CREB5: variants seen among roughly 807,000 people sequenced by gnomAD.
The protein encoded by CREB5 is cAMP responsive element binding protein 5.
A neutral mutation model predicts 57.1 loss-of-function variants in CREB5; 19 were observed. The observed-to-expected ratio is 0.33, with a 90% CI of 0.23 to 0.49. The LOEUF is 0.49. Among genes scored for constraint, CREB5 ranks in the 20% least tolerant of loss-of-function variants. CREB5 has a pLI of 0.99. For missense variants in CREB5, 579 were observed against 671.6 expected, an observed-to-expected ratio of 0.86 and a Z score of 1.52; for synonymous variants, 238 against 238.3, an observed-to-expected ratio of 1.00 and a Z score of 0.01.
intron 5 of CREB5, among the ~76,000 whole-genome samples, chr7:28,693,936 G>A (rs1031040281): frequency 3.9e-5 from 6 of 152,198 alleles, no homozygotes; most frequent in African/African-American, 1.4e-4. Flanking sequence ...TGCAGGTGAG[G>A]TCATGAGTGG....
chr7:28,484,069 G>A (rs533444887), intron 1 of CREB5, among the ~76,000 whole-genome samples: 90 of 152,248 alleles, frequency 5.9e-4, no homozygotes, highest in African/African-American at 2.1e-3. Flanking sequence ...CTATGCAGTG[G>A]AGCCTAGGGT....
In CREB5 at chr7:28,476,038, A is replaced by C. The variant is rs1282547052; in HGVS notation, c.4-12137A>C. ...GAAGTAGGTATTGTCATTGTTGTAA[A>C]AGAGCCCAACGCAGTGGAATGAAAA... On this transcript the variant is annotated intron_variant, in intron 1 of 10. Coordinates refer to ENST00000357727, the MANE Select transcript of CREB5 (RefSeq NM_182898.4). 1.3e-5 allele frequency among the ~76,000 whole-genome samples: 2 copies of C among 152,212 alleles called. 1 individual carries two copies. The highest frequency in any genetic ancestry group is 2.9e-5 in the Non-Finnish European group (2 of 68,040).
intron 7 of CREB5, among the ~76,000 whole-genome samples, chr7:28,742,998 G>A (rs1417662888): frequency 6.6e-6 from 1 of 152,088 alleles, no homozygotes; most frequent in Non-Finnish European, 1.5e-5. Flanking sequence ...TAGTCAGGCT[G>A]GTCTTGAACT....
At chr7:28,718,276 A>G (rs1294472200) in intron 5 of CREB5, among the ~76,000 whole-genome samples, 5 of 152,272 alleles carry the variant, frequency 3.3e-5, no homozygotes, top group African/African-American at 4.8e-5. Context: ...TTGGGAATTC[A>G]TGAATGAAGT....
At position 28,820,418 on chromosome 7, in the gene CREB5, T is replaced by A. The variant is rs1239161332; in HGVS notation, c.*1139T>A. ...GCTGCTAATAGCCTAAGATTTATTTTTTTTTTTTTCTTAAGCCTATGGAAC... is the reference window on the plus strand; with the variant it reads ...GCTGCTAATAGCCTAAGATTTATTTATTTTTTTTTCTTAAGCCTATGGAAC... On this transcript the variant is annotated 3_prime_UTR_variant, in exon 11 of 11. Coordinates refer to ENST00000357727, the MANE Select transcript of CREB5 (RefSeq NM_182898.4). 6 of 151,676 alleles carry A rather than the reference T, an allele frequency of 4.0e-5. No individual in the cohort carries two copies. The highest frequency in any genetic ancestry group is 4.2e-4 in the South Asian group (2 of 4,752). 9.4% of individuals were successfully genotyped at this position (151,676 alleles called of 1,614,324 possible).
At chr7:28,632,844 T>C (rs556499146) in intron 5 of CREB5, among the ~76,000 whole-genome samples, 33 of 152,296 alleles carry the variant, frequency 2.2e-4, no homozygotes, top group African/African-American at 7.2e-4. Context: ...GTGTTTTTAA[T>C]TTTTTGTTTA....
intron 5 of CREB5, among the ~76,000 whole-genome samples, chr7:28,632,843 AT>A (rs1469309789): frequency 2.6e-5 from 4 of 151,990 alleles, no homozygotes; most frequent in African/African-American, 9.7e-5. Flanking sequence ...TGTGTTTTTA[AT>A]TTTTTGTTTA....
chr7:28,564,925 T>C (rs900629490), intron 4 of CREB5, among the ~76,000 whole-genome samples: 3 of 151,914 alleles, frequency 2.0e-5, no homozygotes, highest in African/African-American at 7.3e-5. Flanking sequence ...AAATATAACA[T>C]AGGAAGAGAC....
In CREB5 at chr7:28,560,907, T is replaced by TGTGCGTGCGC. The variant is rs1345229998; in HGVS notation, c.292-9457_292-9456insTGCGTGCGCG. Among the ~76,000 whole-genome samples the TGTGCGTGCGC allele has an allele frequency of 6.1e-4, 26 of 42,736 alleles. 3 individuals carry two copies. Among genetic ancestry groups the TGTGCGTGCGC allele is most frequent in the South Asian group, 1.1e-3 (1 of 936 alleles). 28.0% of individuals were successfully genotyped at this position (42,736 alleles called of 152,430 possible). ...GCGTGCGTGTGTGTGCGTGCGCGCG[T>TGTGCGTGCGC]GCGTGTGCGTGTGTGCGCGTGCGTG... On this transcript the variant is annotated intron_variant, in intron 4 of 10. Transcript: ENST00000357727.
intron 1 of CREB5, among the ~76,000 whole-genome samples, chr7:28,375,741 GA>G (rs532292567): frequency 0.056 from 6,670 of 118,178 alleles, 439 homozygotes; most frequent in African/African-American, 0.18. Flanking sequence ...TTCTGTTATT[GA>G]AAAAAAAAAA....
upstream of CREB5, among the ~76,000 whole-genome samples, chr7:28,407,644 C>T (rs1050782133): frequency 8.5e-5 from 13 of 152,288 alleles, no homozygotes; most frequent in African/African-American, 3.1e-4. Flanking sequence ...GATTTTATTT[C>T]TACAATAAGT....
At chr7:28,374,133 G>A (rs970004069) in intron 1 of CREB5, among the ~76,000 whole-genome samples, 14 of 152,216 alleles carry the variant, frequency 9.2e-5, no homozygotes, top group African/African-American at 3.4e-4. Flanking sequence ...TACATTATTA[G>A]TCATCCAGAA....
intron 5 of CREB5, among the ~76,000 whole-genome samples, chr7:28,617,893 A>G (rs1797650118): frequency 6.6e-6 from 1 of 152,252 alleles, no homozygotes; most frequent in South Asian, 2.1e-4. Flanking sequence ...TATAGGTGTC[A>G]TAGTGGTGTC....
At chr7:28,630,505 T>G (rs992019153) in intron 5 of CREB5, among the ~76,000 whole-genome samples, 1 of 152,170 alleles carries the variant, frequency 6.6e-6, no homozygotes, top group African/African-American at 2.4e-5. Flanking sequence ...GAAAAAAACA[T>G]ATGTTTTTCA....
intron 5 of CREB5, among the ~76,000 whole-genome samples, chr7:28,691,279 G>C (rs529940005): frequency 6.6e-6 from 1 of 151,976 alleles, no homozygotes; most frequent in Admixed American, 6.6e-5. Flanking sequence ...ACTTAGCCGG[G>C]TGTGGTGGCG....
At chr7:28,515,559 T>C (rs1324027482) in intron 4 of CREB5, among the ~76,000 whole-genome samples, 1 of 152,106 alleles carries the variant, frequency 6.6e-6, no homozygotes. Flanking sequence ...GGCTTTCCCA[T>C]ACAAACTCAC....
At chr7:28,690,132 T>C (rs1015312367) in intron 5 of CREB5, among the ~76,000 whole-genome samples, 5 of 152,048 alleles carry the variant, frequency 3.3e-5, no homozygotes, top group South Asian at 2.1e-4. Flanking sequence ...AAATACCCAG[T>C]TGGGGAGTCT....
At chr7:28,455,651 G>A (rs1166031207) in intron 1 of CREB5, among the ~76,000 whole-genome samples, 4 of 151,990 alleles carry the variant, frequency 2.6e-5, no homozygotes, top group African/African-American at 7.3e-5. Flanking sequence ...AGTGAATACT[G>A]CGCTTTGGGG....
At chr7:28,560,921 T>TGTGTGTGCGTGCGTGTGCGTGCGCGCGC (rs1795180804) in intron 4 of CREB5, among the ~76,000 whole-genome samples, 1 of 40,568 alleles carries the variant, frequency 2.5e-5, no homozygotes, top group African/African-American at 1.2e-4. Context: ...TGTGCGTGTG[T>TGTGTGTGCGTGCGTGTGCGTGCGCGCGC]GCGCGTGCGT....
Sources: gnomAD v4.1 joint callset for allele counts (sites outside exome capture counted in the v4.1 genomes callset) on GRCh38, gnomAD v4.1.1 for gene constraint, MANE v1.5 for transcripts, NCBI Gene and HGNC (gene_info 2026-07-23, HGNC 2026-07-21) for gene names.